Variants in GPR155 observed in about 807,000 individuals in gnomAD.
The protein encoded by GPR155 is G protein-coupled receptor 155, also known as lysosomal cholesterol signaling protein.
A neutral mutation model predicts 93.1 loss-of-function variants in GPR155; 65 were observed. The ratio of observed to expected loss-of-function variants is 0.70; its 90% CI spans 0.57 to 0.86. The LOEUF (loss-of-function observed/expected upper bound fraction) is 0.86, where lower values mean the gene tolerates loss of function less well. GPR155 is among the 40% of genes least tolerant of loss of function. The pLI is 0.00. For synonymous variants in GPR155, 319 were observed against 360.1 expected, an observed-to-expected ratio of 0.89 and a Z score of 1.29; for missense variants, 838 against 1,034.8, an observed-to-expected ratio of 0.81 and a Z score of 2.61.
At chr2:174,444,138 C>T (rs1014090423) in intron 13 of GPR155, among the ~76,000 whole-genome samples, 3 of 151,836 alleles carry the variant, frequency 2.0e-5, no homozygotes, top group Non-Finnish European at 4.4e-5. Context: ...AGGAGATGGC[C>T]GGGTGTGGTG....
chr2:174,448,558 T>G (rs1304328390), intron 11 of GPR155, among the ~76,000 whole-genome samples: 7 of 129,656 alleles, frequency 5.4e-5, no homozygotes, highest in Non-Finnish European at 1.1e-4. Context: ...TGAGACGGAG[T>G]CTCGCTCTGT....
chr2:174,483,710 C>T (rs759741433), intron 1 of GPR155, among the ~76,000 whole-genome samples: 2 of 151,986 alleles, frequency 1.3e-5, no homozygotes, highest in Admixed American at 6.6e-5. Context: ...TTAGCCTTCC[C>T]GAGTAGCTGG....
At chr2:174,455,172 A>T (rs35556325) in intron 10 of GPR155, among the ~76,000 whole-genome samples, 1 of 151,546 alleles carries the variant, frequency 6.6e-6, no homozygotes, top group Admixed American at 6.6e-5. Context: ...GCGAGACTCC[A>T]TCTCAAAAAA....
At chr2:174,484,262 C>A (rs1317599387) in intron 1 of GPR155, among the ~76,000 whole-genome samples, 2 of 152,188 alleles carry the variant, frequency 1.3e-5, no homozygotes, top group African/African-American at 4.8e-5. Flanking sequence ...CTTGGGAAAG[C>A]TACCGGTTGG....
intron 7 of GPR155, among the ~76,000 whole-genome samples, chr2:174,461,987 G>C (rs1297737706): frequency 6.6e-6 from 1 of 152,076 alleles, no homozygotes; most frequent in African/African-American, 2.4e-5. Flanking sequence ...CCAGGCTGGA[G>C]TGCAGAGGTG....
At position 174,452,788 on chromosome 2, in the gene GPR155, G is replaced by A. The variant is rs571950973; in HGVS notation, c.1876+949C>T. On this transcript the variant is annotated intron_variant, in intron 11 of 15. Transcript: ENST00000392552. ...AGCCTCCCAAGTAGCTGGGATTACAGTTGGGTGGGATTACCACCACACCCA... is the reference window on the plus strand; with the variant it reads ...AGCCTCCCAAGTAGCTGGGATTACAATTGGGTGGGATTACCACCACACCCA... Among the ~76,000 whole-genome samples, 3 of 152,204 alleles carry A rather than the reference G, an allele frequency of 2.0e-5. No homozygotes were observed. The East Asian group carries it at 5.8e-4, about 29-fold the overall frequency.
chr2:174,473,113 G>A lies in GPR155; in HGVS notation c.712C>T (p.Pro238Ser), dbSNP rs942627343. ...TCAAGAAAATTTTCGACATATACAG[G>A]TACCTTTCGATCAAGAATAAAATTG... ...AFNFILDRKVPVYVENFLDGL... is the reference protein window; with the variant it reads ...AFNFILDRKVSVYVENFLDGL... Residue 238 changes from proline to serine, a missense_variant, in exon 3 of 16, where the codon CCT (proline) becomes TCT (serine). Coordinates refer to ENST00000392552, the MANE Select transcript of GPR155 (RefSeq NM_152529.7). 6.2e-7 allele frequency: 1 copy of A among 1,610,640 alleles called. No individual in the cohort carries two copies. The highest frequency in any genetic ancestry group is 8.5e-7 in the Non-Finnish European group (1 of 1,179,252).
chr2:174,475,755 A>T (rs1688148082), intron 2 of GPR155, among the ~76,000 whole-genome samples: 1 of 152,142 alleles, frequency 6.6e-6, no homozygotes, highest in Admixed American at 6.5e-5. Context: ...GATTCTCTTG[A>T]GATATTTTAT....
At chr2:174,447,736 G>A (rs1367727792) in intron 11 of GPR155, among the ~76,000 whole-genome samples, 1 of 147,434 alleles carries the variant, frequency 6.8e-6, no homozygotes, top group Non-Finnish European at 1.5e-5. Flanking sequence ...ATAAGTGGGA[G>A]CTAAATATCA....
chr2:174,446,466 T>A (rs1562756), intron 12 of GPR155, 145 bp downstream of exon 12: 659,980 of 664,732 alleles, frequency 0.99, 327,796 homozygotes, highest in East Asian at 1. Context: ...ACACCTGCAA[T>A]TATTTAGCTC....
At chr2:174,482,291 T>C (rs1393093340) in intron 1 of GPR155, among the ~76,000 whole-genome samples, 1 of 152,188 alleles carries the variant, frequency 6.6e-6, no homozygotes, top group African/African-American at 2.4e-5. Context: ...TCCGCAAATA[T>C]TAGAGCTGCA....
chr2:174,469,835 A>G (rs1331536744), intron 4 of GPR155, among the ~76,000 whole-genome samples: 1 of 152,198 alleles, frequency 6.6e-6, no homozygotes, highest in Non-Finnish European at 1.5e-5. Context: ...CATGATGCCT[A>G]TTTCTTATAA....
intron 10 of GPR155, among the ~76,000 whole-genome samples, chr2:174,456,072 C>A (rs903203856): frequency 6.6e-6 from 1 of 151,806 alleles, no homozygotes; most frequent in African/African-American, 2.4e-5. Flanking sequence ...AAACACCTGA[C>A]CTCAAGTGAT....
At chr2:174,447,938 A>G (rs763273810) in intron 11 of GPR155, among the ~76,000 whole-genome samples, 23 of 151,754 alleles carry the variant, frequency 1.5e-4, no homozygotes, top group East Asian at 1.2e-3. Context: ...ATAAATCTAC[A>G]TATTAGTCAT....
intron 3 of GPR155, 40 bp from the exon 4 acceptor site, chr2:174,470,595 G>A: frequency 6.3e-7 from 1 of 1,584,610 alleles, no homozygotes; most frequent in Non-Finnish European, 8.6e-7. Flanking sequence ...TGATATCAAA[G>A]CATGGTTGTC....
At chr2:174,450,123 G>C (rs924271593) in intron 11 of GPR155, among the ~76,000 whole-genome samples, 7 of 146,156 alleles carry the variant, frequency 4.8e-5, no homozygotes, top group African/African-American at 1.8e-4. Context: ...GGCAGAACCA[G>C]ATCCTGTCTT....
chr2:174,444,903 A>G (rs1267544872), intron 13 of GPR155, among the ~76,000 whole-genome samples, 178 bp downstream of exon 13: 1 of 152,186 alleles, frequency 6.6e-6, no homozygotes, highest in Non-Finnish European at 1.5e-5. Flanking sequence ...ATTCGTCTCT[A>G]CTAGAAGACA....
chr2:174,471,468 TA>T (rs10581991), intron 3 of GPR155, among the ~76,000 whole-genome samples: 4,361 of 130,170 alleles, frequency 0.034, 157 homozygotes, highest in African/African-American at 0.098. Context: ...TTCATCTTTG[TA>T]AAAAAAAAAA....
rs369590870 is a variant in GPR155, at chr2:174,459,940, A to G, written c.1709T>C (p.Phe570Ser). The G allele has an allele frequency of 1.9e-6, 3 of 1,613,976 alleles. No individual in the cohort carries two copies. The highest frequency in any genetic ancestry group is 2.7e-5 in the African/African-American group (2 of 74,892). ...HKVVEPGNTAFEESPAPVNEP... is the reference protein window; with the variant it reads ...HKVVEPGNTASEESPAPVNEP... ...ATTTACTGGTGCTGGACTCTCCTCA[A>G]AAGCAGTATTTCCAGGCTCCACCAC... Residue 570 changes from phenylalanine to serine, a missense_variant, in exon 10 of 16, where the codon TTT becomes TCT. Coordinates refer to ENST00000392552, the MANE Select transcript of GPR155 (RefSeq NM_152529.7).
Sources: gnomAD v4.1 joint callset for allele counts (sites outside exome capture counted in the v4.1 genomes callset) on GRCh38, gnomAD v4.1.1 for gene constraint, MANE v1.5 for transcripts, NCBI Gene and HGNC (gene_info 2026-07-23, HGNC 2026-07-21) for gene names.